The following PKIB variants were observed in gnomAD, a reference collection of about 807,000 sequenced individuals.
PKIB encodes the protein cAMP-dependent protein kinase inhibitor beta, also known as PKI-beta.
A neutral mutation model predicts 4.5 loss-of-function variants in PKIB; 2 were observed. The ratio of observed to expected loss-of-function variants is 0.44; its 90% CI spans 0.18 to 1.39. The LOEUF (loss-of-function observed/expected upper bound fraction) is 1.39, where lower values mean the gene tolerates loss of function less well. Ranked by LOEUF, PKIB falls within the 40% of genes most tolerant of loss-of-function variation. PKIB has a pLI of 0.27. For missense variants in PKIB, 94 were observed against 92.6 expected, an observed-to-expected ratio of 1.02 and a Z score of -0.06; for synonymous variants, 38 against 36.0, an observed-to-expected ratio of 1.06 and a Z score of -0.20.
At chr6:122,721,241 A>G (rs574368108) in intron 4 of PKIB, among the ~76,000 whole-genome samples, 69 of 152,266 alleles carry the variant, frequency 4.5e-4, no homozygotes, top group Admixed American at 1.8e-3. Flanking sequence ...ATTAAGTGAT[A>G]ATAGAATGTC....
At chr6:122,674,273 G>T (rs978684178) in intron 2 of PKIB, among the ~76,000 whole-genome samples, 1 of 152,148 alleles carries the variant, frequency 6.6e-6, no homozygotes, top group Non-Finnish European at 1.5e-5. Context: ...CCTGACACCT[G>T]TGTAAAGAAT....
intron 2 of PKIB, chr6:122,581,668 T>C (rs919571976): frequency 6.6e-6 from 1 of 152,126 alleles, no homozygotes; most frequent in African/African-American, 2.4e-5. Flanking sequence ...CGTGCTTTGT[T>C]CTTTTAATTC....
At chr6:122,629,472 A>G (rs1162560570) in intron 1 of PKIB, among the ~76,000 whole-genome samples, 1 of 152,216 alleles carries the variant, frequency 6.6e-6, no homozygotes, top group East Asian at 1.9e-4. Context: ...TGTGCAGAAA[A>G]ATTCCAAATA....
intron 3 of PKIB, among the ~76,000 whole-genome samples, chr6:122,701,871 A>T (rs1325146515): frequency 6.6e-6 from 1 of 152,154 alleles, no homozygotes; most frequent in East Asian, 1.9e-4. Flanking sequence ...ACCAAAGGAG[A>T]AGAACATTGC....
chr6:122,533,301 C>G (rs1777314116), intron 2 of PKIB, among the ~76,000 whole-genome samples: 1 of 151,932 alleles, frequency 6.6e-6, no homozygotes, highest in Non-Finnish European at 1.5e-5. Flanking sequence ...TCCCAATTAG[C>G]TGGGACTATA....
intron 2 of PKIB, among the ~76,000 whole-genome samples, chr6:122,521,681 A>G (rs1463795004): frequency 2.0e-5 from 3 of 152,050 alleles, no homozygotes; most frequent in South Asian, 2.1e-4. Context: ...CTCCACCTCA[A>G]TAAAAATAAT....
At chr6:122,510,144 C>T (rs112174283) in intron 2 of PKIB, among the ~76,000 whole-genome samples, 5 of 152,112 alleles carry the variant, frequency 3.3e-5, no homozygotes, top group African/African-American at 1.2e-4. Context: ...CTCTATTCCG[C>T]ACTTGTATTT....
rs1773478652 is a variant in PKIB at position 122,574,784 on chromosome 6, A to G, written c.-247-11137A>G. ...CAAAGACTTAAATCTAAGACCTAAA[A>G]TCATAACAATTCTGGAAGATAACAT... On this transcript the variant is annotated intron_variant, in intron 2 of 6. Transcript: ENST00000392491. 2.0e-5 allele frequency among the ~76,000 whole-genome samples: 3 copies of G among 152,210 alleles called. No homozygotes were observed. The South Asian group carries it at 6.2e-4, about 31-fold the overall frequency.
intron 1 of PKIB, among the ~76,000 whole-genome samples, chr6:122,632,939 A>C (rs927275441): frequency 5.3e-5 from 8 of 152,220 alleles, no homozygotes; most frequent in Non-Finnish European, 8.8e-5. Flanking sequence ...CTGACTGTTC[A>C]TGTTACACAG....
At chr6:122,498,802 A>G (rs1776146209) in intron 2 of PKIB, among the ~76,000 whole-genome samples, 1 of 152,206 alleles carries the variant, frequency 6.6e-6, no homozygotes, top group Non-Finnish European at 1.5e-5. Flanking sequence ...CGAATAAACA[A>G]GATTGATGAC....
At chr6:122,567,526 C>A (rs918325482) in intron 2 of PKIB, among the ~76,000 whole-genome samples, 2 of 152,092 alleles carry the variant, frequency 1.3e-5, no homozygotes, top group African/African-American at 4.8e-5. Flanking sequence ...AAATAAAACA[C>A]CAGCATTAGT....
At chr6:122,681,841 G>A (rs1777906850) in intron 3 of PKIB, among the ~76,000 whole-genome samples, 1 of 152,206 alleles carries the variant, frequency 6.6e-6, no homozygotes, top group East Asian at 1.9e-4. Context: ...CCATGTGACT[G>A]TGCACCATGT....
chr6:122,588,446 C>T (rs923577849), intron 3 of PKIB, among the ~76,000 whole-genome samples: 15 of 152,038 alleles, frequency 9.9e-5, no homozygotes, highest in African/African-American at 3.6e-4. Flanking sequence ...TCATATGGAA[C>T]CAATAAAGAG....
At chr6:122,710,686 C>T (rs1178131268) in intron 3 of PKIB, among the ~76,000 whole-genome samples, 5 of 152,280 alleles carry the variant, frequency 3.3e-5, no homozygotes, top group Middle Eastern at 6.8e-3. Context: ...GGTGCTAGCA[C>T]GCAGCCTTCA....
intron 2 of PKIB, among the ~76,000 whole-genome samples, chr6:122,527,211 A>G (rs189743737): frequency 3.3e-5 from 5 of 152,098 alleles, no homozygotes; most frequent in Admixed American, 6.6e-5. Context: ...TGTTTGAACT[A>G]TTCAGACCAC....
chr6:122,634,610 C>A (rs571375672), intron 2 of PKIB, among the ~76,000 whole-genome samples: 38 of 152,108 alleles, frequency 2.5e-4, no homozygotes, highest in African/African-American at 9.2e-4. Context: ...GAAGACATAA[C>A]ATTTGGTTTA....
chr6:122,724,677 G>C (rs1298933691), intron 4 of PKIB, among the ~76,000 whole-genome samples: 1 of 152,096 alleles, frequency 6.6e-6, no homozygotes, highest in African/African-American at 2.4e-5. Context: ...CTATGAAGTA[G>C]AAAGTGAGGT....
At chr6:122,588,390 C>T in intron 3 of PKIB, among the ~76,000 whole-genome samples, 1 of 152,090 alleles carries the variant, frequency 6.6e-6, no homozygotes, top group Non-Finnish European at 1.5e-5. Flanking sequence ...CCCCATCAAG[C>T]TACCAATGAC....
chr6:122,629,551 A>G (rs1775605935), intron 1 of PKIB, among the ~76,000 whole-genome samples: 1 of 152,210 alleles, frequency 6.6e-6, no homozygotes, highest in South Asian at 2.1e-4. Flanking sequence ...TGGGCTACAC[A>G]TAGTGACTTC....
Sources: allele counts gnomAD v4.1 joint callset (sites outside exome capture counted in the v4.1 genomes callset), GRCh38; gene constraint gnomAD v4.1.1; transcripts MANE v1.5; gene names NCBI Gene and HGNC (gene_info 2026-07-23, HGNC 2026-07-21).